Variants in ANKRD11 observed in about 807,000 individuals in gnomAD.
ANKRD11 encodes the protein ankyrin repeat domain 11.
In ANKRD11, 17 loss-of-function variants were observed where a neutral mutation model predicts 195.7. The observed-to-expected ratio is 0.09, with a 90% CI of 0.06 to 0.13. The LOEUF (loss-of-function observed/expected upper bound fraction) is 0.13, where lower values mean the gene tolerates loss of function less well. Ranked by LOEUF, ANKRD11 falls within the 10% of genes least tolerant of loss-of-function variation. The probability of loss-of-function intolerance (pLI) is 1.00; values close to 1 mark genes in which losing one functional copy is unlikely to be tolerated. For missense variants in ANKRD11, 3,735 were observed against 3,566.1 expected (o/e 1.05, Z -1.21); for synonymous variants, 1,953 against 1,528.1 (o/e 1.28, Z -6.49).
At chr16:89,347,907 G>C (rs1329040678) in intron 2 of ANKRD11, among the ~76,000 whole-genome samples, 1 of 151,764 alleles carries the variant, frequency 6.6e-6, no homozygotes, top group Non-Finnish European at 1.5e-5. Flanking sequence ...TTACTTTGCA[G>C]AGCACTTTCC....
rs1479496870 is a variant in ANKRD11 at position 89,283,508 on chromosome 16, T to C, written c.3034A>G (p.Lys1012Glu). The change falls in exon 9 of 13, where the codon AAG becomes GAG. Residue 1012 changes from lysine to glutamate, a missense_variant. Transcript: ENST00000301030. The surrounding 1 kb of genome is among the most constrained non-coding windows in gnomAD (Gnocchi z 4.3). ...TTCCTTTCCTTATCGGGGCCATCCT[T>C]CTTCTCCTTCTCTCGTGCTGGGTGG... The part of the protein sequence containing the change: ...RHHPAREKEK[K>E]DGPDKERKEK... 1.9e-6 allele frequency: 3 copies of C among 1,613,738 alleles called. No homozygotes were observed. The highest frequency in any genetic ancestry group is 1.7e-5 in the Admixed American group (1 of 60,014).
chr16:89,289,208 C>T (rs1289730993), intron 6 of ANKRD11, among the ~76,000 whole-genome samples: 1 of 152,052 alleles, frequency 6.6e-6, no homozygotes, highest in Non-Finnish European at 1.5e-5. Flanking sequence ...TGTGGCCGCA[C>T]GCATCCGTGG....
chr16:89,324,478 G>A (rs1453709190), intron 2 of ANKRD11: 1 of 456,680 alleles, frequency 2.2e-6, no homozygotes, highest in Non-Finnish European at 4.4e-6. Flanking sequence ...CTGGACTAAA[G>A]GATGTGTAAC....
chr16:89,350,690 G>A (rs185735826), intron 2 of ANKRD11, among the ~76,000 whole-genome samples: 2 of 152,290 alleles, frequency 1.3e-5, no homozygotes, highest in South Asian at 2.1e-4. Flanking sequence ...TTGGGGTGAT[G>A]GAAATACTAC....
chr16:89,278,773 C>G, intron 9 of ANKRD11: 1 of 587,792 alleles, frequency 1.7e-6, no homozygotes, highest in Non-Finnish European at 3.2e-6. Flanking sequence ...GAGTGAGCGG[C>G]GTGAAGGGGG....
In ANKRD11 at chr16:89,488,825, CTCCTCATGTAAGAA is replaced by C. The variant is rs2057707271; in HGVS notation, c.-145+1406_-145+1419del. ...TGCTCTAATGACTGCATAAAACTCT[CTCCTCATGTAAGAA>C]AGCCTGAAATCTAATTTCTCTACCA... On this transcript the variant is annotated intron_variant, in intron 1 of 12. Coordinates refer to ENST00000301030, the MANE Select transcript of ANKRD11 (RefSeq NM_013275.6). Among the ~76,000 whole-genome samples the C allele has an allele frequency of 2.6e-5, 4 of 152,180 alleles. No homozygotes were observed. The South Asian group carries it at 6.2e-4, about 24-fold the overall frequency.
chr16:89,293,831 G>C (rs1464679009), intron 4 of ANKRD11, among the ~76,000 whole-genome samples: 1 of 152,094 alleles, frequency 6.6e-6, no homozygotes, highest in African/African-American at 2.4e-5. Flanking sequence ...ATGCTCTTAA[G>C]TTATCAAAGG....
rs1194186968 is a variant in ANKRD11 at position 89,285,139 on chromosome 16, C to T, written c.1403G>A (p.Arg468His). Residue 468 changes from arginine (R) to histidine (H), a missense_variant, in exon 9 of 13, where the codon CGC (arginine) becomes CAC (histidine). Coordinates refer to ENST00000301030, the MANE Select transcript of ANKRD11 (RefSeq NM_013275.6). This position sits in a 1 kb window ranked among gnomAD's most constrained non-coding sequence, Gnocchi z 5.6. ...GAACTTGTCGCTCCGCTTTCCGAAGCGAACCTCTCTGCCTTTTGTTTCTTT... is the reference window on the plus strand; with the variant it reads ...GAACTTGTCGCTCCGCTTTCCGAAGTGAACCTCTCTGCCTTTTGTTTCTTT... ...RKKETKGREVRFGKRSDKFCS... is the reference protein window; with the variant it reads ...RKKETKGREVHFGKRSDKFCS... 23 of 1,613,612 alleles carry T rather than the reference C, an allele frequency of 1.4e-5. No individual in the cohort carries two copies. Among genetic ancestry groups the T allele is most frequent in the Admixed American group, 3.3e-5 (2 of 60,024 alleles).
At chr16:89,302,405 G>A (rs915898724) in intron 4 of ANKRD11, among the ~76,000 whole-genome samples, 2 of 152,068 alleles carry the variant, frequency 1.3e-5, no homozygotes, top group African/African-American at 2.4e-5. Flanking sequence ...GGCACCCGCC[G>A]CCACACCTGG....
chr16:89,473,950 G>C (rs1269057538), intron 1 of ANKRD11, among the ~76,000 whole-genome samples: 1 of 152,220 alleles, frequency 6.6e-6, no homozygotes, highest in Admixed American at 6.5e-5. Flanking sequence ...TGTTACGTAA[G>C]ACTTAGTCTA....
chr16:89,319,509 A>G (rs1054664943), intron 2 of ANKRD11, among the ~76,000 whole-genome samples: 1 of 152,198 alleles, frequency 6.6e-6, no homozygotes, highest in Non-Finnish European at 1.5e-5. Context: ...CTGCACGATG[A>G]CAGCTAAGAC....
At chr16:89,410,042 T>C (rs1326276038) in intron 2 of ANKRD11, among the ~76,000 whole-genome samples, 1 of 152,138 alleles carries the variant, frequency 6.6e-6, no homozygotes, top group Non-Finnish European at 1.5e-5. Flanking sequence ...GTTTTCACGG[T>C]GTGAGCCAGG....
chr16:89,308,379 C>G lies in ANKRD11; in HGVS notation c.88-3035G>C, dbSNP rs1485759067. On this transcript the variant is annotated intron_variant, in intron 3 of 12. Coordinates refer to ENST00000301030, the MANE Select transcript of ANKRD11 (RefSeq NM_013275.6). ...TGTGGGAGGAAAGCCCCACACTGAT[C>G]AAGGCCTCCAGGGAGCCTGGACAGA... is the stretch of plus-strand genomic sequence containing the variant. Among the ~76,000 whole-genome samples the G allele has an allele frequency of 3.9e-5, 6 of 152,250 alleles. No individual in the cohort carries two copies. In the South Asian group the frequency reaches 8.3e-4, roughly 21 times the overall value.
chr16:89,359,499 A>C (rs1363004462), intron 2 of ANKRD11, among the ~76,000 whole-genome samples: 1 of 152,208 alleles, frequency 6.6e-6, no homozygotes, highest in East Asian at 1.9e-4. Context: ...TGCAGATGGC[A>C]GCACTGTGAC....
chr16:89,470,258 A>G (rs1445122150), intron 1 of ANKRD11, among the ~76,000 whole-genome samples: 1 of 152,102 alleles, frequency 6.6e-6, no homozygotes, highest in East Asian at 1.9e-4. Flanking sequence ...GCGAGGAAAA[A>G]TGAAGTAACT....
At chr16:89,338,586 G>T (rs1389403227) in intron 2 of ANKRD11, among the ~76,000 whole-genome samples, 1 of 151,752 alleles carries the variant, frequency 6.6e-6, no homozygotes, top group Non-Finnish European at 1.5e-5. Context: ...TTAGCTGGGC[G>T]TGGTGGCATG....
chr16:89,344,887 G>A (rs3102383), intron 2 of ANKRD11, among the ~76,000 whole-genome samples: 94,732 of 152,136 alleles, frequency 0.62, 30,112 homozygotes, highest in African/African-American at 0.75. Context: ...ACCTCAAACT[G>A]TATTTTCCTT....
rs1018954790 is a variant in ANKRD11 at position 89,279,439 on chromosome 16, C to G, written c.7103G>C (p.Arg2368Thr). The part of the protein sequence containing the change: ...ECAPTPAPVT[R>T]AKARGSEDDD... Reference sequence around the variant, plus strand: ...GTCCTCGGAGCCGCGGGCCTTGGCCCTGGTGACCGGGGCAGGGGTGGGGGC... The same window carrying G: ...GTCCTCGGAGCCGCGGGCCTTGGCCGTGGTGACCGGGGCAGGGGTGGGGGC... Residue 2368 changes from arginine (R) to threonine (T), a missense_variant, in exon 9 of 13, where the codon AGG (arginine) becomes ACG (threonine). Coordinates refer to ENST00000301030, the MANE Select transcript of ANKRD11 (RefSeq NM_013275.6). This position sits in a 1 kb window ranked among gnomAD's most constrained non-coding sequence, Gnocchi z 5.6. 6.6e-7 allele frequency: 1 copy of G among 1,509,726 alleles called. No homozygotes were observed. The highest frequency in any genetic ancestry group is 1.4e-5 in the African/African-American group (1 of 71,682). The allele number at this position is 1,509,726 out of a possible 1,614,324, so 93.5% of individuals were successfully genotyped here. A position where few individuals can be genotyped will look rare whatever the true frequency, so the allele number is the denominator to read the frequency against.
At chr16:89,287,004 T>C (rs1252798812) in intron 7 of ANKRD11, 10 of 1,289,684 alleles carry the variant, frequency 7.8e-6, no homozygotes, top group Admixed American at 4.6e-5. Flanking sequence ...AGAGTTCTTA[T>C]GTGTGTGAGT....
Sources: allele counts gnomAD v4.1 joint callset (sites outside exome capture counted in the v4.1 genomes callset), GRCh38; gene constraint gnomAD v4.1.1; non-coding constraint Gnocchi (gnomAD v3.1); transcripts MANE v1.5; gene names NCBI Gene and HGNC (gene_info 2026-07-23, HGNC 2026-07-21).